The following NOS3 variants were observed in gnomAD, a reference collection of about 807,000 sequenced individuals.
NOS3 encodes nitric oxide synthase 3.
Under a neutral mutation model 144.9 loss-of-function variants are expected in NOS3, and 98 were observed. That is an observed-to-expected ratio of 0.68 (90% CI 0.57 to 0.80). NOS3 has a LOEUF of 0.80. Ranked by LOEUF, NOS3 falls within the 30% of genes least tolerant of loss-of-function variation. The pLI is 0.00. For missense variants in NOS3, 1,465 were observed against 1,656.4 expected, an observed-to-expected ratio of 0.88 and a Z score of 2.01; for synonymous variants, 714 against 702.4, an observed-to-expected ratio of 1.02 and a Z score of -0.26.
intron 9 of NOS3, among the ~76,000 whole-genome samples, chr7:150,999,999 G>A (rs1795048659): frequency 6.7e-6 from 1 of 149,100 alleles, no homozygotes; most frequent in Non-Finnish European, 1.5e-5. Context: ...TTTGTGGGGT[G>A]TGTAGGGGCG....
chr7:150,994,877 C>T (rs1412338649), intron 2 of NOS3, among the ~76,000 whole-genome samples: 2 of 152,212 alleles, frequency 1.3e-5, no homozygotes, highest in Non-Finnish European at 2.9e-5. Flanking sequence ...GCTCTGTCCC[C>T]CTCAGGGTAG....
rs766709364 is a variant in NOS3, at chr7:150,995,255, G to C, written c.211G>C (p.Val71Leu). The change falls in exon 3 of 27, where the codon GTG becomes CTG. Residue 71 changes from valine to leucine, a missense_variant. Val to Leu is a conservative substitution (Grantham distance 32, BLOSUM62 1). This residue lies in a region of NOS3 where 374 missense variants were observed against 377.0 expected (regional missense o/e 0.99). Coordinates refer to ENST00000297494, the MANE Select transcript of NOS3 (RefSeq NM_000603.5). ...CCCAGAGGGGCCCAAGTTCCCTCGTGTGAAGAACTGGGAGGTGGGGAGCAT... is the reference window on the plus strand; with the variant it reads ...CCCAGAGGGGCCCAAGTTCCCTCGTCTGAAGAACTGGGAGGTGGGGAGCAT... The part of the protein sequence containing the change: ...QPPEGPKFPR[V>L]KNWEVGSITY... The C allele has an allele frequency of 6.2e-7, 1 of 1,611,568 alleles. No individual in the cohort carries two copies.
At chr7:151,001,492 C>T (rs1163390508) in intron 11 of NOS3, 52 bp from the exon 12 acceptor site, 1 of 1,609,502 alleles carries the variant, frequency 6.2e-7, no homozygotes, top group African/African-American at 1.3e-5. Context: ...CTGGGGACCT[C>T]TAACCTTTCC....
chr7:150,999,412 A>G (rs1795025184), intron 9 of NOS3, 48 bp downstream of exon 9: 3 of 1,514,424 alleles, frequency 2.0e-6, no homozygotes, highest in Non-Finnish European at 2.7e-6. Flanking sequence ...TGTCCAAGGC[A>G]GGAGTCTGGC....
intron 25 of NOS3, 95 bp from the exon 26 acceptor site, chr7:151,013,629 C>G: frequency 8.0e-7 from 1 of 1,255,800 alleles, no homozygotes; most frequent in Non-Finnish European, 1.1e-6. Flanking sequence ...CAGGCCCGCT[C>G]CGGAGACTTT....
Position 151,009,600 on chromosome 7 carries a change from GGGAA to G in NOS3, c.2512+17_2512+20del. 1 of 1,513,702 alleles carries G rather than the reference GGGAA, an allele frequency of 6.6e-7. No individual in the cohort carries two copies. The highest frequency in any genetic ancestry group is 2.5e-5 in the East Asian group (1 of 40,460). The allele number at this position is 1,513,702 out of a possible 1,614,324, so 93.8% of individuals were successfully genotyped here. A position where few individuals can be genotyped will look rare whatever the true frequency, so the allele number is the denominator to read the frequency against. On this transcript the variant is annotated intron_variant, in intron 20 of 26. Transcript: ENST00000297494. ...GGGCAGCCCTGGTGAGGGGCAGCCT[GGGAA>G]GCAACAGGGCACACCAGCCCCATGC...
intron 1 of NOS3, among the ~76,000 whole-genome samples, chr7:150,992,391 G>A (rs1025750663): frequency 1.3e-5 from 2 of 152,174 alleles, no homozygotes; most frequent in African/African-American, 2.4e-5. Flanking sequence ...GGAAGGCGAG[G>A]TGGTGGGGTG....
Position 150,993,715 on chromosome 7 carries a change from C to T in NOS3, c.-51-38C>T. 1 of 1,365,926 alleles carries T rather than the reference C, an allele frequency of 7.3e-7. No homozygotes were observed. Among genetic ancestry groups the T allele is most frequent in the Non-Finnish European group, 9.9e-7 (1 of 1,005,828 alleles). The allele number at this position is 1,365,926 out of a possible 1,614,324, so 84.6% of individuals were successfully genotyped here. ...GGGCCAGCACTGGAGAGCCCCCTCCCACTGCCCCCTCCTCTCGGTCCCCTC... is the reference window on the plus strand; with the variant it reads ...GGGCCAGCACTGGAGAGCCCCCTCCTACTGCCCCCTCCTCTCGGTCCCCTC... On this transcript the variant is annotated intron_variant, in intron 1 of 26. Transcript: ENST00000297494. This position sits in a 1 kb window ranked among gnomAD's most constrained non-coding sequence, Gnocchi z 4.0.
chr7:151,006,749 C>T, intron 15 of NOS3, 140 bp from the exon 16 acceptor site: 1 of 755,744 alleles, frequency 1.3e-6, no homozygotes. Flanking sequence ...CCCAGGGATG[C>T]TGGCCCTCAG....
intron 15 of NOS3, 135 bp downstream of exon 15, chr7:151,006,629 T>C (rs1270277750): frequency 2.5e-6 from 2 of 786,800 alleles, no homozygotes; most frequent in Non-Finnish European, 4.2e-6. Flanking sequence ...CAGGATGCCC[T>C]CCATTCCAGG....
rs1056083217 is a variant in NOS3 at position 150,998,079 on chromosome 7, G to A, written c.583-278G>A. The stretch of plus-strand genomic sequence containing the variant: ...TGGTGCCTAACCCAAGCATCAGTTT[G>A]GCAGAGGCCGAGTCCCTCCTCTGTA... On this transcript the variant is annotated intron_variant, in intron 5 of 26. Transcript: ENST00000297494. The surrounding 1 kb of genome is among the most constrained non-coding windows in gnomAD (Gnocchi z 5.0). Among the ~76,000 whole-genome samples, 1 of 152,194 alleles carries A rather than the reference G, an allele frequency of 6.6e-6. No homozygotes were observed. Among genetic ancestry groups the A allele is most frequent in the African/African-American group, 2.4e-5 (1 of 41,438 alleles).
In NOS3 at chr7:151,010,788, G is replaced by T; in HGVS notation, c.2877G>T (p.Val959=). 6.2e-7 allele frequency: 1 copy of T among 1,612,456 alleles called. No homozygotes were observed. The highest frequency in any genetic ancestry group is 8.5e-7 in the Non-Finnish European group (1 of 1,179,320). The change falls in exon 22 of 27, where the codon GTG becomes GTT. Residue 959 remains valine, a synonymous_variant. Coordinates refer to ENST00000297494, the MANE Select transcript of NOS3 (RefSeq NM_000603.5). ...GAGAGATCCACCTCACTGTAGCTGT[G>T]CTGGCATACAGGACTCAGGGTGAGG... ...HPGEIHLTVA[V]LAYRTQDGLG...
At chr7:151,009,115 C>G in intron 18 of NOS3, 53 bp downstream of exon 18, 1 of 1,613,150 alleles carries the variant, frequency 6.2e-7, no homozygotes, top group Non-Finnish European at 8.5e-7. Flanking sequence ...CCCCACACCC[C>G]GGGACTAAAG....
At chr7:150,995,134 C>A in intron 2 of NOS3, 69 bp from the exon 3 acceptor site, 1 of 854,668 alleles carries the variant, frequency 1.2e-6, no homozygotes, top group East Asian at 2.7e-5. Context: ...CAGGGGCCTC[C>A]GGGTGACATC....
chr7:151,006,959 A>G lies in NOS3; in HGVS notation c.1891A>G (p.Lys631Glu), dbSNP rs1167144829. The G allele has an allele frequency of 6.2e-7, 1 of 1,614,020 alleles. No homozygotes were observed. The highest frequency in any genetic ancestry group is 8.5e-7 in the Non-Finnish European group (1 of 1,180,014). ...PLVSSWRRKR[K>E]ESSNTDSAGA... Reference sequence around the variant, plus strand: ...GGTGTCCTCTTGGCGGCGGAAGAGGAAGGAGTCCAGTAACACAGACAGTGC... The same window carrying G: ...GGTGTCCTCTTGGCGGCGGAAGAGGGAGGAGTCCAGTAACACAGACAGTGC... Residue 631 changes from lysine to glutamate, a missense_variant, in exon 16 of 27, where the codon AAG (lysine) becomes GAG (glutamate). This residue lies in a region of NOS3 where 745 missense variants were observed against 853.9 expected (regional missense o/e 0.87). Transcript: ENST00000297494.
chr7:150,994,805 G>A (rs923945094), intron 2 of NOS3, among the ~76,000 whole-genome samples: 80 of 152,216 alleles, frequency 5.3e-4, no homozygotes, highest in Admixed American at 4.3e-3. Flanking sequence ...GAGGGGTTGT[G>A]AGTGCGGAGG....
chr7:151,005,160 G>C (rs937711466), intron 14 of NOS3, among the ~76,000 whole-genome samples: 2 of 152,156 alleles, frequency 1.3e-5, no homozygotes, highest in African/African-American at 4.8e-5. Context: ...TTTCTCGATG[G>C]GATGCTGGTT....
Position 151,010,593 on chromosome 7 carries a change from C to T in NOS3, c.2686-4C>T. 1.3e-6 allele frequency: 2 copies of T among 1,576,618 alleles called. No homozygotes were observed. The highest frequency in any genetic ancestry group is 1.2e-5 in the South Asian group (1 of 85,858). On this transcript the variant is annotated splice_polypyrimidine_tract_variant and splice_region_variant and intron_variant, in intron 21 of 26. Coordinates refer to ENST00000297494, the MANE Select transcript of NOS3 (RefSeq NM_000603.5). ...CTCCAACCCACTGCATCCTGCCCCG[C>T]CAGGATCCCCGACGCTACGAGGAGT...
rs775752910 is a variant in NOS3 at position 150,996,406 on chromosome 7, T to C, written c.273T>C (p.Asp91=). Residue 91 remains aspartate (D), a splice_region_variant and synonymous_variant, in exon 4 of 27, where the codon GAT becomes GAC. Transcript: ENST00000297494. ...YDTLSAQAQQ[D]GPCTPRRCLG... ...ACCTTTGCACTCCCTCGACCCAGGA[T>C]GGGCCCTGCACCCCAAGACGCTGCC... 2.9e-6 allele frequency: 4 copies of C among 1,368,608 alleles called. No homozygotes were observed. Among genetic ancestry groups the C allele is most frequent in the Admixed American group, 5.0e-5 (2 of 40,388 alleles). 84.8% of individuals were successfully genotyped at this position (1,368,608 alleles called of 1,614,324 possible).
Sources: allele counts gnomAD v4.1 joint callset (sites outside exome capture counted in the v4.1 genomes callset), GRCh38; gene constraint gnomAD v4.1.1; regional missense constraint gnomAD v4.1.1; non-coding constraint Gnocchi (gnomAD v3.1); transcripts MANE v1.5; gene names NCBI Gene and HGNC (gene_info 2026-07-23, HGNC 2026-07-21).